Variants in CACNA2D3 observed in about 807,000 individuals in gnomAD.
The protein encoded by CACNA2D3 is calcium voltage-gated channel auxiliary subunit alpha2delta 3, also known as voltage-dependent calcium channel subunit alpha-2/delta-3.
In CACNA2D3, 60 loss-of-function variants were observed where a neutral mutation model predicts 160.6. The ratio of observed to expected loss-of-function variants is 0.37; its 90% CI spans 0.30 to 0.46. The LOEUF (loss-of-function observed/expected upper bound fraction) is 0.46, where lower values mean the gene tolerates loss of function less well. Ranked by LOEUF, CACNA2D3 falls within the 20% of genes least tolerant of loss-of-function variation. The probability of loss-of-function intolerance (pLI) is 1.00; values close to 1 mark genes in which losing one functional copy is unlikely to be tolerated. For synonymous variants in CACNA2D3, 558 were observed against 492.9 expected, an observed-to-expected ratio of 1.13 and a Z score of -1.75; for missense variants, 1,205 against 1,365.0, an observed-to-expected ratio of 0.88 and a Z score of 1.85.
intron 5 of CACNA2D3, among the ~76,000 whole-genome samples, chr3:54,546,698 GCA>G (rs776168504): frequency 1.3e-5 from 2 of 151,294 alleles, no homozygotes; most frequent in Non-Finnish European, 3.0e-5. Flanking sequence ...ATCAACACAT[GCA>G]CACACACACG....
At chr3:54,547,450 G>A (rs1161376923) in intron 5 of CACNA2D3, among the ~76,000 whole-genome samples, 1 of 152,088 alleles carries the variant, frequency 6.6e-6, no homozygotes, top group Non-Finnish European at 1.5e-5. Context: ...GCTCACAGAT[G>A]ATATTGCCCA....
chr3:54,797,430 T>C lies in CACNA2D3; in HGVS notation c.1381-19423T>C, dbSNP rs76531077. Among the ~76,000 whole-genome samples the C allele has an allele frequency of 3.6e-3, 546 of 152,248 alleles. 2 individuals are homozygous for C. Among genetic ancestry groups the C allele is most frequent in the African/African-American group, 0.011 (460 of 41,544 alleles). On this transcript the variant is annotated intron_variant, in intron 13 of 37. Coordinates refer to ENST00000474759, the MANE Select transcript of CACNA2D3 (RefSeq NM_018398.3). ...AAGCCCGTGTCACTGTGATTAACTA[T>C]CTTTAGGGAGGCCTCTCTACACAAA...
At chr3:54,638,281 T>G (rs1322422249) in intron 10 of CACNA2D3, 2 of 152,028 alleles carry the variant, frequency 1.3e-5, no homozygotes, top group Non-Finnish European at 2.9e-5. Context: ...CTGGGCTAGA[T>G]TTTTATATTT....
intron 10 of CACNA2D3, among the ~76,000 whole-genome samples, chr3:54,629,829 C>T (rs980705764): frequency 6.6e-6 from 1 of 152,176 alleles, no homozygotes; most frequent in African/African-American, 2.4e-5. Context: ...GGGGAGACTT[C>T]TCTGAGCTGT....
At chr3:54,242,275 A>AAAAC (rs1553765137) in intron 2 of CACNA2D3, among the ~76,000 whole-genome samples, 3 of 150,438 alleles carry the variant, frequency 2.0e-5, no homozygotes, top group Non-Finnish European at 1.5e-5. Flanking sequence ...ACAAAAAACA[A>AAAAC]AAACAAACAA....
intron 8 of CACNA2D3, among the ~76,000 whole-genome samples, chr3:54,572,729 G>A (rs1019551088): frequency 2.6e-5 from 4 of 152,206 alleles, no homozygotes; most frequent in African/African-American, 9.7e-5. Flanking sequence ...GCCTAGTGGT[G>A]AGAATGCAAG....
intron 3 of CACNA2D3, among the ~76,000 whole-genome samples, chr3:54,331,571 A>G (rs1704256278): frequency 2.0e-5 from 3 of 152,198 alleles, no homozygotes; most frequent in South Asian, 4.1e-4. Flanking sequence ...TTGCCAAGAC[A>G]CTATGCTATG....
intron 2 of CACNA2D3, among the ~76,000 whole-genome samples, chr3:54,252,951 A>G (rs543938030): frequency 1.3e-5 from 2 of 152,306 alleles, no homozygotes; most frequent in East Asian, 3.9e-4. Context: ...GGCTTTAGCA[A>G]CCTGCCCACA....
At chr3:54,330,906 G>A (rs756004813) in intron 3 of CACNA2D3, among the ~76,000 whole-genome samples, 2 of 152,164 alleles carry the variant, frequency 1.3e-5, no homozygotes, top group Admixed American at 6.6e-5. Context: ...TGGTCCACAC[G>A]GGGGAATTAG....
rs982907600 is a variant in CACNA2D3, at chr3:54,426,211, T to C, written c.381+39437T>C. Among the ~76,000 whole-genome samples, 10 of 152,220 alleles carry C rather than the reference T, an allele frequency of 6.6e-5. No individual in the cohort carries two copies. The East Asian group carries it at 1.9e-3, about 29-fold the overall frequency. ...TGGTAGACACATTATTATTTTATTC[T>C]GAAGGCACAGGATATTTGCAAAGTT... On this transcript the variant is annotated intron_variant, in intron 4 of 37. Transcript: ENST00000474759.
At chr3:54,939,886 C>G (rs1025600330) in intron 27 of CACNA2D3, among the ~76,000 whole-genome samples, 4 of 152,182 alleles carry the variant, frequency 2.6e-5, no homozygotes, top group Non-Finnish European at 4.4e-5. Flanking sequence ...TTAGAGCATC[C>G]AGAGTCTGAA....
intron 3 of CACNA2D3, among the ~76,000 whole-genome samples, chr3:54,365,362 G>A (rs1477021740): frequency 1.3e-5 from 2 of 152,284 alleles, no homozygotes; most frequent in East Asian, 3.9e-4. Flanking sequence ...TAGAAAATGT[G>A]TCATGACATG....
chr3:54,509,192 G>A (rs56309833), intron 5 of CACNA2D3, among the ~76,000 whole-genome samples: 5,063 of 152,190 alleles, frequency 0.033, 293 homozygotes, highest in African/African-American at 0.12. Flanking sequence ...TGTTTTCCAA[G>A]AGCTATTTGA....
At chr3:54,631,195 C>T (rs1342677747) in intron 10 of CACNA2D3, among the ~76,000 whole-genome samples, 6 of 135,398 alleles carry the variant, frequency 4.4e-5, no homozygotes, top group Non-Finnish European at 9.6e-5. Context: ...CAGAGCGAGA[C>T]TCCATCAAAC....
chr3:54,981,826 CATT>C (rs2107097256), intron 29 of CACNA2D3, among the ~76,000 whole-genome samples: 1 of 152,364 alleles, frequency 6.6e-6, no homozygotes, highest in Non-Finnish European at 1.5e-5. Flanking sequence ...TGGGTCCCAT[CATT>C]GTTAATCCAA....
chr3:54,993,527 G>A (rs1575426214), intron 31 of CACNA2D3, among the ~76,000 whole-genome samples: 1 of 152,174 alleles, frequency 6.6e-6, no homozygotes, highest in Non-Finnish European at 1.5e-5. Context: ...GTTGAAATGA[G>A]TTCAATATGG....
intron 2 of CACNA2D3, among the ~76,000 whole-genome samples, chr3:54,281,767 G>A (rs977470257): frequency 3.9e-5 from 6 of 152,196 alleles, no homozygotes; most frequent in Non-Finnish European, 7.3e-5. Flanking sequence ...AATATTAGGA[G>A]GTGAGCTGGA....
intron 4 of CACNA2D3, among the ~76,000 whole-genome samples, chr3:54,489,092 G>C (rs1232676149): frequency 6.6e-6 from 1 of 152,180 alleles, no homozygotes; most frequent in Non-Finnish European, 1.5e-5. Flanking sequence ...GCAGTGGGGA[G>C]GTGGTGCTGG....
chr3:54,414,263 A>G (rs983094185), intron 4 of CACNA2D3, among the ~76,000 whole-genome samples: 3 of 152,080 alleles, frequency 2.0e-5, no homozygotes, highest in African/African-American at 7.2e-5. Context: ...TGAAAGAGAA[A>G]AATGCATTTC....
Sources: gnomAD v4.1 joint callset for allele counts (sites outside exome capture counted in the v4.1 genomes callset) on GRCh38, gnomAD v4.1.1 for gene constraint, MANE v1.5 for transcripts, NCBI Gene and HGNC (gene_info 2026-07-23, HGNC 2026-07-21) for gene names.